The following SOX5 variants were observed in gnomAD, a reference collection of about 807,000 sequenced individuals.
SOX5 encodes SRY-box transcription factor 5, also known as transcription factor SOX-5.
Under a neutral mutation model 92.0 loss-of-function variants are expected in SOX5, and 9 were observed. That is an observed-to-expected ratio of 0.10 (90% confidence interval 0.06 to 0.17). SOX5 has a LOEUF of 0.17. Among genes scored for constraint, SOX5 ranks in the 10% least tolerant of loss-of-function variants. SOX5 has a pLI of 1.00. For missense variants in SOX5, 642 were observed against 944.5 expected, an observed-to-expected ratio of 0.68 and a Z score of 4.20; for synonymous variants, 344 against 336.3, an observed-to-expected ratio of 1.02 and a Z score of -0.25.
intron 4 of SOX5, among the ~76,000 whole-genome samples, chr12:24,205,267 C>G (rs183086973): frequency 6.6e-6 from 1 of 152,148 alleles, no homozygotes; most frequent in Non-Finnish European, 1.5e-5. Flanking sequence ...TATCCCAACT[C>G]CTAGCACAAT....
At chr12:24,153,349 T>C in intron 4 of SOX5, among the ~76,000 whole-genome samples, 1 of 152,104 alleles carries the variant, frequency 6.6e-6, no homozygotes, top group Admixed American at 6.6e-5. Flanking sequence ...CAAGACCAGA[T>C]TTACTGGCAC....
intron 4 of SOX5, among the ~76,000 whole-genome samples, chr12:24,067,004 G>A (rs1471040996): frequency 6.6e-6 from 1 of 152,090 alleles, no homozygotes; most frequent in African/African-American, 2.4e-5. Flanking sequence ...TCAATCCTCT[G>A]TTCCAAGCCC....
intron 1 of SOX5, among the ~76,000 whole-genome samples, chr12:24,505,236 G>T (rs1948605761): frequency 6.6e-6 from 1 of 152,042 alleles, no homozygotes; most frequent in Non-Finnish European, 1.5e-5. Context: ...ATCAGTATTG[G>T]GCTCAACAGA....
At chr12:24,201,579 C>CA (rs1391014650) in intron 4 of SOX5, among the ~76,000 whole-genome samples, 1 of 152,122 alleles carries the variant, frequency 6.6e-6, no homozygotes, top group African/African-American at 2.4e-5. Context: ...ATTTTGAACA[C>CA]AAAAAAACTT....
chr12:23,642,845 T>C (rs2080267591), intron 7 of SOX5, among the ~76,000 whole-genome samples: 1 of 111,220 alleles, frequency 9.0e-6, no homozygotes, highest in Admixed American at 8.0e-5. Context: ...CCCAGCACTT[T>C]GGGAGGCCGA....
intron 5 of SOX5, among the ~76,000 whole-genome samples, chr12:23,737,818 C>G (rs1280445584): frequency 1.3e-5 from 2 of 152,156 alleles, no homozygotes; most frequent in Non-Finnish European, 2.9e-5. Context: ...GAATACTCTG[C>G]CTAGACAGCC....
chr12:24,292,008 A>G (rs188886886), intron 2 of SOX5, among the ~76,000 whole-genome samples: 1 of 152,336 alleles, frequency 6.6e-6, no homozygotes, highest in East Asian at 1.9e-4. Flanking sequence ...TCACCCAACA[A>G]ACTCTTACAG....
intron 5 of SOX5, 45 bp downstream of exon 5, chr12:23,740,822 A>G (rs756850198): frequency 3.3e-6 from 5 of 1,516,996 alleles, no homozygotes; most frequent in Middle Eastern, 2.4e-4. Context: ...GTAGCAGGCA[A>G]AGTAATGTCT....
chr12:24,005,836 T>C (rs1020100457), intron 4 of SOX5, among the ~76,000 whole-genome samples: 1 of 152,182 alleles, frequency 6.6e-6, no homozygotes, highest in Non-Finnish European at 1.5e-5. Context: ...AAGCTAAATA[T>C]AGCAAAATGT....
intron 4 of SOX5, among the ~76,000 whole-genome samples, chr12:24,093,653 C>T (rs529637162): frequency 1.2e-3 from 174 of 151,196 alleles, no homozygotes; most frequent in Non-Finnish European, 2.0e-3. Context: ...GTTTCCCCCA[C>T]AATTTATTTC....
intron 3 of SOX5, among the ~76,000 whole-genome samples, chr12:24,253,269 T>A (rs1940510546): frequency 1.6e-5 from 2 of 128,502 alleles, no homozygotes; most frequent in East Asian, 2.3e-4. Flanking sequence ...CACGTGCACA[T>A]CTTTTTTTTT....
At chr12:23,757,862 C>T (rs917727614) in intron 3 of SOX5, among the ~76,000 whole-genome samples, 1 of 151,628 alleles carries the variant, frequency 6.6e-6, no homozygotes, top group African/African-American at 2.4e-5. Flanking sequence ...CAGAAGTCTT[C>T]TGTCTAAGTT....
chr12:24,040,993 T>G (rs1236145900), intron 4 of SOX5, among the ~76,000 whole-genome samples: 1 of 152,210 alleles, frequency 6.6e-6, no homozygotes, highest in Non-Finnish European at 1.5e-5. Flanking sequence ...GGGGAAACAC[T>G]TTATAAATAA....
intron 3 of SOX5, among the ~76,000 whole-genome samples, chr12:23,775,334 C>G (rs576206741): frequency 6.6e-6 from 1 of 152,158 alleles, no homozygotes; most frequent in African/African-American, 2.4e-5. Flanking sequence ...TCAGAGGAAA[C>G]TGAAACTTAG....
chr12:24,493,741 G>A (rs1028808762), intron 1 of SOX5, among the ~76,000 whole-genome samples: 11 of 152,018 alleles, frequency 7.2e-5, no homozygotes, highest in African/African-American at 2.7e-4. Context: ...GTGGGTGCCT[G>A]TAGTCCCAGC....
chr12:23,645,145 CAGTAGGTAGTAT>C (rs2080660947), intron 7 of SOX5, among the ~76,000 whole-genome samples: 1 of 152,106 alleles, frequency 6.6e-6, no homozygotes, highest in Non-Finnish European at 1.5e-5. Context: ...TGACCATCAT[CAGTAGGTAGTAT>C]AGGAGGTAAG....
At chr12:24,066,492 A>G (rs1186481798) in intron 4 of SOX5, among the ~76,000 whole-genome samples, 1 of 152,234 alleles carries the variant, frequency 6.6e-6, no homozygotes, top group African/African-American at 2.4e-5. Flanking sequence ...TTAGAAGCAG[A>G]CAGAAATAAC....
intron 1 of SOX5, among the ~76,000 whole-genome samples, chr12:23,908,419 G>A (rs1454262688): frequency 1.3e-5 from 2 of 151,808 alleles, no homozygotes; most frequent in African/African-American, 2.4e-5. Context: ...ACAAGGAATC[G>A]TTTATATATT....
intron 2 of SOX5, among the ~76,000 whole-genome samples, chr12:23,873,670 C>A (rs2096898252): frequency 6.6e-6 from 1 of 152,158 alleles, no homozygotes; most frequent in South Asian, 2.1e-4. Flanking sequence ...TTCCTTAAAT[C>A]AAACAGTCTC....
Sources: gnomAD v4.1 joint callset for allele counts (sites outside exome capture counted in the v4.1 genomes callset) on GRCh38, gnomAD v4.1.1 for gene constraint, MANE v1.5 for transcripts, NCBI Gene and HGNC (gene_info 2026-07-23, HGNC 2026-07-21) for gene names.